The following TSPAN16 variants were observed in gnomAD, a reference collection of about 807,000 sequenced individuals.
TSPAN16 encodes tetraspanin-16.
TSPAN16 carries 23 observed loss-of-function variants against 25.2 expected under a neutral mutation model. That is an observed-to-expected ratio of 0.91 (90% CI 0.66 to 1.29). The LOEUF is 1.29. TSPAN16 is among the 50% of genes most tolerant of loss of function. TSPAN16 has a pLI of 0.00. For synonymous variants in TSPAN16, 123 were observed against 124.4 expected, an observed-to-expected ratio of 0.99 and a Z score of 0.08; for missense variants, 272 against 299.9, an observed-to-expected ratio of 0.91 and a Z score of 0.69.
At chr19:11,318,519 AGTGGT>A (rs1469390936), downstream of TSPAN16, among the ~76,000 whole-genome samples, 3 of 151,996 alleles carry the variant, frequency 2.0e-5, no homozygotes, top group Non-Finnish European at 4.4e-5. Flanking sequence ...GGATGATCCT[AGTGGT>A]TTTTAAGATA....
downstream of TSPAN16, among the ~76,000 whole-genome samples, chr19:11,320,570 G>T (rs895311312): frequency 7.9e-5 from 12 of 152,064 alleles, no homozygotes; most frequent in Non-Finnish European, 1.5e-5. Context: ...AAACTCAGGA[G>T]GCTGAAGTGG....
intron 6 of TSPAN16, among the ~76,000 whole-genome samples, chr19:11,314,344 C>G (rs1041343777): frequency 6.6e-6 from 1 of 152,102 alleles, no homozygotes; most frequent in African/African-American, 2.4e-5. Flanking sequence ...TATAGTCTAT[C>G]AATTATATCT....
chr19:11,312,321 C>CAA, intron 6 of TSPAN16, 99 bp downstream of exon 6: 1 of 258,640 alleles, frequency 3.9e-6, no homozygotes, highest in Non-Finnish European at 6.2e-6. Context: ...GTGAACAAAA[C>CAA]TAAAAAAAAA....
chr19:11,306,476 G>A (rs1015056721), intron 4 of TSPAN16, 128 bp from the exon 5 acceptor site: 7 of 1,158,680 alleles, frequency 6.0e-6, no homozygotes, highest in Non-Finnish European at 8.6e-6. Context: ...TGGGATGTTT[G>A]TAAGAGGATG....
intron 1 of TSPAN16, among the ~76,000 whole-genome samples, chr19:11,297,273 G>A (rs1203414952): frequency 1.3e-5 from 2 of 152,122 alleles, no homozygotes; most frequent in African/African-American, 4.8e-5. Context: ...ACCAGCTATA[G>A]TGAGATCCCC....
At chr19:11,320,349 T>C (rs954773312), downstream of TSPAN16, among the ~76,000 whole-genome samples, 1 of 151,708 alleles carries the variant, frequency 6.6e-6, no homozygotes, top group African/African-American at 2.4e-5. Context: ...CTCAAACTCC[T>C]GACCTCAAGT....
rs1243953414 is a variant in TSPAN16, at chr19:11,301,277, A to G, written c.419A>G (p.Tyr140Cys). Residue 140 changes from tyrosine to cysteine, a missense_variant, in exon 4 of 7, where the codon TAT (tyrosine) becomes TGT (cysteine). Coordinates refer to ENST00000590327, the MANE Select transcript of TSPAN16 (RefSeq NM_001282509.2). The part of the protein sequence containing the change: ...NYRGYNEPDD[Y>C]STQWNLVMEK... ...AGAGGTTACAACGAGCCAGACGACT[A>G]TTCTACACAGTGGAACTTGGTCATG... The G allele has an allele frequency of 2.5e-6, 4 of 1,613,716 alleles. No homozygotes were observed. Among genetic ancestry groups the G allele is most frequent in the African/African-American group, 1.3e-5 (1 of 74,876 alleles).
At chr19:11,303,572 TAAATTA>T (rs2080591800) in intron 4 of TSPAN16, among the ~76,000 whole-genome samples, 4 of 76,324 alleles carry the variant, frequency 5.2e-5, no homozygotes, top group South Asian at 7.8e-4. Flanking sequence ...AATAAATAAA[TAAATTA>T]AAAAAAAAAA....
At chr19:11,325,420 TG>T (rs755736523) in intron 6 of TSPAN16, 12 of 951,466 alleles carry the variant, frequency 1.3e-5, no homozygotes, top group African/African-American at 7.7e-5. Context: ...GCTGCTGGGC[TG>T]GGGGGCTGGA....
intron 6 of TSPAN16, among the ~76,000 whole-genome samples, chr19:11,313,888 C>T (rs1473001421): frequency 1.3e-5 from 2 of 152,128 alleles, no homozygotes; most frequent in African/African-American, 4.8e-5. Flanking sequence ...GACATGTATC[C>T]ATACAAAAAC....
chr19:11,313,505 C>T (rs1417420611), intron 6 of TSPAN16, among the ~76,000 whole-genome samples: 2 of 143,502 alleles, frequency 1.4e-5, no homozygotes, highest in East Asian at 2.0e-4. Context: ...CCAGCCTTGG[C>T]AACAGAGCAA....
At chr19:11,301,178 T>G (rs766684291) in intron 3 of TSPAN16, 23 bp from the exon 4 acceptor site, 342 of 1,604,712 alleles carry the variant, frequency 2.1e-4, no homozygotes, top group Non-Finnish European at 2.7e-4. Flanking sequence ...GGGGTACTGA[T>G]CACTTCCTGT....
At position 11,306,426 on chromosome 19, in the gene TSPAN16, C is replaced by T. The variant is rs568080886; in HGVS notation, c.451-178C>T. On this transcript the variant is annotated intron_variant, in intron 4 of 6. Transcript: ENST00000590327. ...CCCAGGCTAGGAGTTCAGCTTTTAC[C>T]CTGAGTGAGATGGGAGCCAGGGAGG... 1.7e-5 allele frequency: 12 copies of T among 723,396 alleles called. No individual in the cohort carries two copies. The African/African-American group carries it at 1.8e-4, about 11-fold the overall frequency. 44.8% of individuals were successfully genotyped at this position (723,396 alleles called of 1,614,324 possible).
intron 6 of TSPAN16, 24 bp downstream of exon 6, chr19:11,312,246 CTT>C: frequency 6.4e-7 from 1 of 1,559,660 alleles, no homozygotes; most frequent in Non-Finnish European, 8.8e-7. Flanking sequence ...TCTCTAGGGT[CTT>C]TGAGCTGTTT....
intron 4 of TSPAN16, among the ~76,000 whole-genome samples, chr19:11,302,672 TATATATAC>T (rs1488377221): frequency 1.4e-4 from 17 of 124,042 alleles, no homozygotes; most frequent in African/African-American, 7.4e-4. Flanking sequence ...TATATATATA[TATATATAC>T]ACACACACAC....
chr19:11,316,119 T>TGTGTGG (rs1491440242), downstream of TSPAN16: 38 of 128,060 alleles, frequency 3.0e-4, no homozygotes, highest in African/African-American at 1.4e-3. Context: ...GTGTGTGTGG[T>TGTGTGG]TTTTTTTTTT....
chr19:11,326,350 C>T (rs1381970807), intron 6 of TSPAN16, among the ~76,000 whole-genome samples: 1 of 152,162 alleles, frequency 6.6e-6, no homozygotes, highest in African/African-American at 2.4e-5. Flanking sequence ...CACTGCACAC[C>T]AGCCTGGGTG....
At chr19:11,320,862 T>C (rs1329072984), downstream of TSPAN16, among the ~76,000 whole-genome samples, 2 of 151,942 alleles carry the variant, frequency 1.3e-5, no homozygotes, top group African/African-American at 2.4e-5. Flanking sequence ...TGCCCAAGAC[T>C]GGGTAATTTA....
At chr19:11,314,576 A>G (rs2147956006) in intron 6 of TSPAN16, among the ~76,000 whole-genome samples, 1 of 152,184 alleles carries the variant, frequency 6.6e-6, no homozygotes. Context: ...AAACTATACA[A>G]CACCTTCCTC....
Sources: gnomAD v4.1 joint callset for allele counts (sites outside exome capture counted in the v4.1 genomes callset) on GRCh38, gnomAD v4.1.1 for gene constraint, MANE v1.5 for transcripts, NCBI Gene and HGNC (gene_info 2026-07-23, HGNC 2026-07-21) for gene names.